Variants in AGO2 observed in about 807,000 individuals in gnomAD.
AGO2 encodes argonaute RISC catalytic component 2.
A neutral mutation model predicts 102.3 loss-of-function variants in AGO2; 5 were observed. That is an observed-to-expected ratio of 0.05 (90% CI 0.03 to 0.10). The LOEUF (loss-of-function observed/expected upper bound fraction) is 0.10, where lower values mean the gene tolerates loss of function less well. Among genes scored for constraint, AGO2 ranks in the 10% least tolerant of loss-of-function variants. The pLI, the probability that AGO2 is intolerant of heterozygous loss-of-function variation, is 1.00. For synonymous variants in AGO2, 449 were observed against 473.1 expected, an observed-to-expected ratio of 0.95 and a Z score of 0.66; for missense variants, 541 against 1,183.7, an observed-to-expected ratio of 0.46 and a Z score of 7.97.
chr8:140,601,982 G>A (rs2073940498), intron 1 of AGO2, among the ~76,000 whole-genome samples: 1 of 152,126 alleles, frequency 6.6e-6, no homozygotes, highest in Non-Finnish European at 1.5e-5. Context: ...TAGCTGCATG[G>A]AGCAGAGCAG....
intron 3 of AGO2, among the ~76,000 whole-genome samples, chr8:140,565,599 C>G (rs549285178): frequency 2.2e-4 from 34 of 151,260 alleles, no homozygotes; most frequent in South Asian, 1.3e-3. Flanking sequence ...CGAGACAGCA[C>G]CACTGCACTC....
In AGO2 at chr8:140,611,779, C is replaced by A. The variant is rs550225865; in HGVS notation, c.22+23706G>T. Among the ~76,000 whole-genome samples, 3 of 152,256 alleles carry A rather than the reference C, an allele frequency of 2.0e-5. 1 individual carries two copies. In the South Asian group the frequency reaches 6.2e-4, roughly 32 times the overall value. On this transcript the variant is annotated intron_variant, in intron 1 of 18. Coordinates refer to ENST00000220592, the MANE Select transcript of AGO2 (RefSeq NM_012154.5). ...CTCGAGTAGGGTGCCGGGCAGATGT[C>A]TTCTCCAAGCAGACCTAGTGACCTG...
chr8:140,561,222 C>T (rs547717066), intron 4 of AGO2, among the ~76,000 whole-genome samples: 4 of 152,340 alleles, frequency 2.6e-5, no homozygotes, highest in South Asian at 2.1e-4. Flanking sequence ...TCTGGTGGCC[C>T]GGGAGGCGCC....
At chr8:140,632,407 G>C (rs567875105) in intron 1 of AGO2, among the ~76,000 whole-genome samples, 1 of 152,356 alleles carries the variant, frequency 6.6e-6, no homozygotes, top group African/African-American at 2.4e-5. Flanking sequence ...CTGAGGGAAG[G>C]GGGAGAGGGG....
chr8:140,564,422 G>A (rs955013834), intron 3 of AGO2, among the ~76,000 whole-genome samples: 1 of 152,162 alleles, frequency 6.6e-6, no homozygotes, highest in Non-Finnish European at 1.5e-5. Context: ...GTACATAGCT[G>A]GCCCTTGCAC....
chr8:140,587,044 C>T (rs2073670423), intron 1 of AGO2, among the ~76,000 whole-genome samples: 1 of 152,186 alleles, frequency 6.6e-6, no homozygotes, highest in Non-Finnish European at 1.5e-5. Flanking sequence ...AGCAAAGCTG[C>T]TGGGCCGGCT....
intron 16 of AGO2, among the ~76,000 whole-genome samples, chr8:140,536,289 T>C (rs532350992): frequency 3.3e-5 from 5 of 151,678 alleles, no homozygotes; most frequent in Non-Finnish European, 5.9e-5. Flanking sequence ...TAAATATACA[T>C]ACAAAAAAGA....
upstream of AGO2, among the ~76,000 whole-genome samples, chr8:140,635,789 CGCG>C (rs528099474): frequency 3.9e-4 from 51 of 129,652 alleles, no homozygotes; most frequent in East Asian, 1.4e-3. Flanking sequence ...GGGCGGGGTC[CGCG>C]GCGGCGGCGG....
chr8:140,546,739 T>C (rs972034496), intron 13 of AGO2, among the ~76,000 whole-genome samples: 3 of 152,252 alleles, frequency 2.0e-5, no homozygotes, highest in Non-Finnish European at 4.4e-5. Flanking sequence ...GTATTCTCCG[T>C]TGTTGTCGTC....
At chr8:140,575,740 A>G (rs975800612) in intron 2 of AGO2, among the ~76,000 whole-genome samples, 11 of 152,370 alleles carry the variant, frequency 7.2e-5, no homozygotes, top group African/African-American at 2.4e-4. Flanking sequence ...ATCTAGCAAC[A>G]TGTTCAAAAA....
At position 140,525,484 on chromosome 8, in the gene AGO2, A is replaced by G. The variant is rs2072489514; in HGVS notation, c.*6560T>C. 6.6e-6 allele frequency: 1 copy of G among 152,282 alleles called. No individual in the cohort carries two copies. Among genetic ancestry groups the G allele is most frequent in the African/African-American group, 2.4e-5 (1 of 41,476 alleles). The allele number at this position is 152,282 out of a possible 1,614,324, so 9.4% of individuals were successfully genotyped here. On this transcript the variant is annotated 3_prime_UTR_variant, in exon 19 of 19. Transcript: ENST00000220592. ...CCGCACAGAACAGCGTGGCGGCAGA[A>G]TTACAAAACATTCTCAGAGAGACTG...
chr8:140,585,378 C>T (rs528721855), intron 1 of AGO2, 67 bp from the exon 2 acceptor site: 31 of 1,524,680 alleles, frequency 2.0e-5, no homozygotes, highest in Middle Eastern at 2.4e-4. Flanking sequence ...TCCCATCCCG[C>T]GGCCCCAAGC....
chr8:140,558,511 C>T lies in AGO2; in HGVS notation c.852G>A (p.Val284=). The change falls in exon 7 of 19, where the codon GTG becomes GTA. Residue 284 remains valine (V), a synonymous_variant. Coordinates refer to ENST00000220592, the MANE Select transcript of AGO2 (RefSeq NM_012154.5). ...TTTGGTGACTGGCGGGCCGCCGGGT[C>T]ACATTGCAGACGCGGTACTTCCTCT... ...QMKRKYRVCN[V]TRRPASHQTF... The T allele has an allele frequency of 2.5e-6, 4 of 1,614,196 alleles. No homozygotes were observed. The highest frequency in any genetic ancestry group is 2.5e-6 in the Non-Finnish European group (3 of 1,180,030).
chr8:140,615,779 C>T (rs746229326), intron 1 of AGO2, among the ~76,000 whole-genome samples: 5 of 152,258 alleles, frequency 3.3e-5, no homozygotes, highest in African/African-American at 9.6e-5. Context: ...ATCCTGCCCA[C>T]GGTCTGTTCT....
Position 140,613,704 on chromosome 8 carries a change from C to G in AGO2, c.22+21781G>C, listed in dbSNP as rs577170013. On this transcript the variant is annotated intron_variant, in intron 1 of 18. Coordinates refer to ENST00000220592, the MANE Select transcript of AGO2 (RefSeq NM_012154.5). The stretch of plus-strand genomic sequence containing the variant: ...ACAAGACCACTGCAGAAATTCGGGT[C>G]TGGTTTCTATCACACTATAAAGAAC... Among the ~76,000 whole-genome samples the G allele has an allele frequency of 2.0e-5, 3 of 152,208 alleles. No individual in the cohort carries two copies. In the South Asian group the frequency reaches 6.2e-4, roughly 32 times the overall value.
intron 13 of AGO2, among the ~76,000 whole-genome samples, chr8:140,544,925 G>A (rs780971528): frequency 3.9e-5 from 6 of 152,200 alleles, no homozygotes; most frequent in African/African-American, 7.2e-5. Flanking sequence ...TGTGGGCCTC[G>A]GGCTCTCCGG....
intron 1 of AGO2, among the ~76,000 whole-genome samples, chr8:140,613,317 A>C (rs923454850): frequency 6.6e-6 from 1 of 152,228 alleles, no homozygotes; most frequent in Non-Finnish European, 1.5e-5. Context: ...AAAAATGTAA[A>C]ACTACGCCAC....
intron 1 of AGO2, among the ~76,000 whole-genome samples, chr8:140,591,402 C>T (rs558913644): frequency 5.3e-5 from 8 of 152,280 alleles, no homozygotes; most frequent in Admixed American, 6.5e-5. Context: ...GCGCTGAGGC[C>T]GACACAGGCA....
rs2132842043 is a variant in AGO2, at chr8:140,527,507, A to G, written c.*4537T>C. On this transcript the variant is annotated 3_prime_UTR_variant, in exon 19 of 19. Coordinates refer to ENST00000220592, the MANE Select transcript of AGO2 (RefSeq NM_012154.5). The surrounding 1 kb of genome is among the most constrained non-coding windows in gnomAD (Gnocchi z 6.0). ...AAGATTTTCCTCATAAAAAAGAGTCAGCGTGTGTGTGTGTAACAGGGGCAC... is the reference window on the plus strand; with the variant it reads ...AAGATTTTCCTCATAAAAAAGAGTCGGCGTGTGTGTGTGTAACAGGGGCAC... The G allele has an allele frequency of 6.5e-6, 1 of 153,338 alleles. No individual in the cohort carries two copies. The highest frequency in any genetic ancestry group is 1.9e-4 in the East Asian group (1 of 5,166). 9.5% of individuals were successfully genotyped at this position (153,338 alleles called of 1,614,324 possible).
Sources: gnomAD v4.1 joint callset for allele counts (sites outside exome capture counted in the v4.1 genomes callset) on GRCh38, gnomAD v4.1.1 for gene constraint, Gnocchi (gnomAD v3.1) non-coding constraint, MANE v1.5 for transcripts, NCBI Gene and HGNC (gene_info 2026-07-23, HGNC 2026-07-21) for gene names.